Variants in RAI2 observed in about 807,000 individuals in gnomAD.
RAI2 encodes retinoic acid induced 2.
Under a neutral mutation model 15.3 loss-of-function variants are expected in RAI2, and 5 were observed. That is an observed-to-expected ratio of 0.33 (90% CI 0.17 to 0.69). The LOEUF (loss-of-function observed/expected upper bound fraction) is 0.69, where lower values mean the gene tolerates loss of function less well. Among genes scored for constraint, RAI2 ranks in the 30% least tolerant of loss-of-function variants. The pLI, the probability that RAI2 is intolerant of heterozygous loss-of-function variation, is 0.69. For synonymous variants in RAI2, 191 were observed against 184.0 expected (o/e 1.04, Z -0.31); for missense variants, 424 against 424.7 (o/e 1.00, Z 0.01).
intron 1 of RAI2, among the ~76,000 whole-genome samples, chrX:17,836,919 A>G (rs1198061081): frequency 8.9e-6 from 1 of 112,103 alleles, no homozygotes; most frequent in Non-Finnish European, 1.9e-5. Context: ...ACAATTCAGG[A>G]TGCGTTAATA....
intron 1 of RAI2, among the ~76,000 whole-genome samples, chrX:17,850,909 A>C (rs1461450792): frequency 8.8e-6 from 1 of 113,082 alleles, no homozygotes; most frequent in Non-Finnish European, 1.9e-5. Context: ...GAAAAGGTTT[A>C]GCTTTAAACA....
At chrX:17,803,486 G>A (rs1471246942) in intron 1 of RAI2, among the ~76,000 whole-genome samples, 2 of 110,148 alleles carry the variant, frequency 1.8e-5, no homozygotes, top group South Asian at 3.9e-4. Context: ...AGCCGAGATC[G>A]CATCACTGCA....
chrX:17,804,926 G>A (rs1219184536), intron 1 of RAI2, among the ~76,000 whole-genome samples: 1 of 112,838 alleles, frequency 8.9e-6, no homozygotes, highest in Non-Finnish European at 1.9e-5. Flanking sequence ...GTGAAAAGAG[G>A]ACTTTGCCAG....
At chrX:17,846,985 C>G (rs1010473693) in intron 1 of RAI2, among the ~76,000 whole-genome samples, 3 of 111,629 alleles carry the variant, frequency 2.7e-5, no homozygotes, top group Non-Finnish European at 3.8e-5. Context: ...ATGGGAGTTC[C>G]CCTGCACAAG....
At chrX:17,846,519 T>C (rs1312162525) in intron 1 of RAI2, among the ~76,000 whole-genome samples, 3 of 112,262 alleles carry the variant, frequency 2.7e-5, no homozygotes, top group Admixed American at 9.4e-5. Flanking sequence ...GGACTGAAGG[T>C]GCTCCTGGCT....
At chrX:17,834,851 T>C (rs753427398) in intron 1 of RAI2, among the ~76,000 whole-genome samples, 57 of 110,884 alleles carry the variant, frequency 5.1e-4, no homozygotes, top group South Asian at 1.6e-3. Context: ...CTATTTCATA[T>C]GGCAGGGGTT....
Position 17,818,957 on chromosome X carries a change from T to G in RAI2, c.-24-16923A>C, listed in dbSNP as rs190773292. ...GTGTCTGTGTGGCGTGCCACACCAT[T>G]TGCCCTGAGACTTGTCCTGTGGCTA... On this transcript the variant is annotated intron_variant, in intron 1 of 1. Transcript: ENST00000451717. 1.2e-4 allele frequency among the ~76,000 whole-genome samples: 13 copies of G among 112,694 alleles called. No homozygotes were observed. The East Asian group carries it at 3.4e-3, about 29-fold the overall frequency.
chrX:17,802,053 A>T lies in RAI2; in HGVS notation c.-24-19T>A. On this transcript the variant is annotated intron_variant, in intron 1 of 1. Transcript: ENST00000451717. Reference sequence around the variant, plus strand: ...ACTTGGCCTGCAACACAGAACATACAATATGAATCTTCCTTAAAAGACTAT... The same window carrying T: ...ACTTGGCCTGCAACACAGAACATACTATATGAATCTTCCTTAAAAGACTAT... 2.6e-6 allele frequency: 3 copies of T among 1,150,031 alleles called. No individual in the cohort carries two copies. Among genetic ancestry groups the T allele is most frequent in the African/African-American group, 1.8e-5 (1 of 55,634 alleles). The allele number at this position is 1,150,031 out of a possible 1,213,427, so 94.8% of individuals were successfully genotyped here.
chrX:17,847,387 T>C (rs2147274256), intron 1 of RAI2, among the ~76,000 whole-genome samples: 1 of 112,024 alleles, frequency 8.9e-6, no homozygotes, highest in Non-Finnish European at 1.9e-5. Flanking sequence ...ATAAACTAGG[T>C]CACCTCAAAA....
At chrX:17,830,519 G>A (rs1217801724) in intron 1 of RAI2, among the ~76,000 whole-genome samples, 7 of 105,541 alleles carry the variant, frequency 6.6e-5, no homozygotes, top group Non-Finnish European at 1.4e-4. Context: ...TTTTTTTAAA[G>A]ACTCAGTTAA....
At chrX:17,849,701 T>C (rs773371645) in intron 1 of RAI2, among the ~76,000 whole-genome samples, 2 of 112,451 alleles carry the variant, frequency 1.8e-5, no homozygotes, top group African/African-American at 6.5e-5. Context: ...GTTTGAGTTG[T>C]ACGTTCCAAA....
intron 1 of RAI2, among the ~76,000 whole-genome samples, chrX:17,827,311 C>A (rs1344827659): frequency 8.9e-6 from 1 of 112,181 alleles, no homozygotes. Context: ...GGCCCATAAC[C>A]AAACTCTGAG....
intron 1 of RAI2, among the ~76,000 whole-genome samples, chrX:17,839,801 A>C (rs2067377084): frequency 8.9e-6 from 1 of 112,808 alleles, no homozygotes; most frequent in African/African-American, 3.2e-5. Flanking sequence ...AGATTATTAC[A>C]CCAAATATTA....
rs182325027 is a variant in RAI2 at position 17,839,689 on chromosome X, A to G, written c.-25+21409T>C. Among the ~76,000 whole-genome samples, 562 of 112,473 alleles carry G rather than the reference A, an allele frequency of 5.0e-3. 5 individuals carry two copies. The highest frequency in any genetic ancestry group is 0.017 in the African/African-American group (521 of 30,924). ...ATTTAACTCTCAGGAATCTCCCCCA[A>G]AGATAAATGCACAAGCAGGTTTATC... On this transcript the variant is annotated intron_variant, in intron 1 of 1. Transcript: ENST00000451717.
At chrX:17,828,303 C>A (rs2067247925) in intron 1 of RAI2, among the ~76,000 whole-genome samples, 1 of 109,380 alleles carries the variant, frequency 9.1e-6, no homozygotes, top group Non-Finnish European at 1.9e-5. Context: ...AGGGAAGAGG[C>A]AAAGACCTTC....
chrX:17,832,771 G>T (rs780887641), intron 1 of RAI2, among the ~76,000 whole-genome samples: 1 of 112,056 alleles, frequency 8.9e-6, no homozygotes, highest in African/African-American at 3.2e-5. Context: ...CCCATATTAG[G>T]GTTAATGGAG....
intron 1 of RAI2, among the ~76,000 whole-genome samples, chrX:17,842,448 C>T (rs1467721156): frequency 1.8e-5 from 2 of 111,090 alleles, no homozygotes; most frequent in Non-Finnish European, 3.8e-5. Context: ...GGGGATATGA[C>T]AGTCAGTAGA....
Position 17,800,760 on chromosome X carries a change from G to C in RAI2, c.1251C>G (p.His417Gln). Residue 417 changes from histidine (H) to glutamine (Q), a missense_variant, in exon 2 of 2, where the codon CAC becomes CAG. By Grantham distance (24) the His-to-Gln change is conservative. Coordinates refer to ENST00000451717, the MANE Select transcript of RAI2 (RefSeq NM_021785.6). ...TTTCAGCCTTGACTTCGCCGCTGGG[G>C]TGGTTGGGCTGGCTGAGCATCTCGG... ...AATEMLSQPN[H>Q]PSGEVKAENN... 8.3e-7 allele frequency: 1 copy of C among 1,211,896 alleles called. No homozygotes were observed. The highest frequency in any genetic ancestry group is 2.2e-5 in the Admixed American group (1 of 46,069).
intron 1 of RAI2, among the ~76,000 whole-genome samples, chrX:17,834,331 A>G (rs747049478): frequency 9.8e-4 from 109 of 111,651 alleles, no homozygotes; most frequent in South Asian, 1.9e-3. Flanking sequence ...TGAGTATGAG[A>G]CTTCAAAGAA....
Sources: gnomAD v4.1 joint callset for allele counts (sites outside exome capture counted in the v4.1 genomes callset) on GRCh38, gnomAD v4.1.1 for gene constraint, MANE v1.5 for transcripts, NCBI Gene and HGNC (gene_info 2026-07-23, HGNC 2026-07-21) for gene names.